UNC5D: variants seen among roughly 807,000 people sequenced by gnomAD.
The protein encoded by UNC5D is netrin receptor UNC5D.
Under a neutral mutation model 105.4 loss-of-function variants are expected in UNC5D, and 39 were observed. That is an observed-to-expected ratio of 0.37 (90% confidence interval 0.29 to 0.48). The LOEUF (loss-of-function observed/expected upper bound fraction) is 0.48, where lower values mean the gene tolerates loss of function less well. Ranked by LOEUF, UNC5D falls within the 20% of genes least tolerant of loss-of-function variation. UNC5D has a pLI of 0.98. For synonymous variants in UNC5D, 452 were observed against 450.4 expected (o/e 1.00, Z -0.04); for missense variants, 991 against 1,202.4 (o/e 0.82, Z 2.60).
At chr8:35,629,669 G>GT (rs1821919779) in intron 4 of UNC5D, among the ~76,000 whole-genome samples, 1 of 152,188 alleles carries the variant, frequency 6.6e-6, no homozygotes, top group Admixed American at 6.5e-5. Context: ...TAACAATCAT[G>GT]TACATGGATC....
At chr8:35,317,852 T>TAACTTAGTTGCCTTCTACTTAGACAAGAG (rs1809421417) in intron 1 of UNC5D, among the ~76,000 whole-genome samples, 1 of 149,868 alleles carries the variant, frequency 6.7e-6, no homozygotes, top group Admixed American at 6.7e-5. Context: ...TTAGACAAGA[T>TAACTTAGTTGCCTTCTACTTAGACAAGAG]AACTTAGTTG....
intron 1 of UNC5D, among the ~76,000 whole-genome samples, chr8:35,383,421 C>T (rs1318110402): frequency 1.3e-5 from 2 of 152,142 alleles, no homozygotes; most frequent in African/African-American, 2.4e-5. Flanking sequence ...CTAGGCAATG[C>T]GAAAAGTGTT....
intron 1 of UNC5D, among the ~76,000 whole-genome samples, chr8:35,436,891 T>C (rs958621158): frequency 2.0e-5 from 3 of 152,114 alleles, no homozygotes; most frequent in African/African-American, 7.2e-5. Flanking sequence ...TGCTATATGA[T>C]TCTATATTTG....
intron 1 of UNC5D, among the ~76,000 whole-genome samples, chr8:35,413,075 G>C (rs1378072376): frequency 6.6e-6 from 1 of 152,084 alleles, no homozygotes; most frequent in Admixed American, 6.5e-5. Context: ...CTATGTAGTG[G>C]ATTAATGCTA....
chr8:35,488,327 A>C (rs1234695585), intron 1 of UNC5D, among the ~76,000 whole-genome samples: 2 of 152,174 alleles, frequency 1.3e-5, no homozygotes, highest in Admixed American at 1.3e-4. Flanking sequence ...CTTGGATTCT[A>C]AAGGATGGGA....
chr8:35,557,975 T>C (rs559020802), intron 2 of UNC5D, among the ~76,000 whole-genome samples: 214 of 152,016 alleles, frequency 1.4e-3, no homozygotes, highest in Non-Finnish European at 2.4e-3. Flanking sequence ...CTACCAAATA[T>C]ACAAAAAGTA....
In UNC5D at chr8:35,722,033, G is replaced by C. The variant is rs1163472285; in HGVS notation, c.1118-177G>C. 2.6e-5 allele frequency among the ~76,000 whole-genome samples: 4 copies of C among 152,292 alleles called. No individual in the cohort carries two copies. In the South Asian group the frequency reaches 6.2e-4, roughly 24 times the overall value. On this transcript the variant is annotated intron_variant, in intron 8 of 16. Transcript: ENST00000404895. ...CTAGCATCCCTTTGATTTATACAAG[G>C]CATTTTAGAAACACGATTACTGTGT...
At chr8:35,712,227 C>T (rs572070586) in intron 8 of UNC5D, among the ~76,000 whole-genome samples, 18 of 152,216 alleles carry the variant, frequency 1.2e-4, no homozygotes, top group East Asian at 5.8e-4. Flanking sequence ...GTCAACATTG[C>T]GCCACTGTAC....
At chr8:35,555,936 C>A (rs954566245) in intron 2 of UNC5D, among the ~76,000 whole-genome samples, 3 of 145,070 alleles carry the variant, frequency 2.1e-5, no homozygotes, top group African/African-American at 7.5e-5. Context: ...GAAAAAGAAA[C>A]CTGAGGTTAG....
rs992577779 is a variant in UNC5D at position 35,450,075 on chromosome 8, T to C, written c.104-99217T>C. Among the ~76,000 whole-genome samples, 4 of 152,188 alleles carry C rather than the reference T, an allele frequency of 2.6e-5. 1 individual carries two copies. Among genetic ancestry groups the C allele is most frequent in the Non-Finnish European group, 5.9e-5 (4 of 68,026 alleles). ...TATTCTGGAACTATTCAGTGACACATGTTTGTTAGGTTCATATTATACTAG... is the reference window on the plus strand; with the variant it reads ...TATTCTGGAACTATTCAGTGACACACGTTTGTTAGGTTCATATTATACTAG... On this transcript the variant is annotated intron_variant, in intron 1 of 16. Coordinates refer to ENST00000404895, the MANE Select transcript of UNC5D (RefSeq NM_080872.4).
intron 16 of UNC5D, among the ~76,000 whole-genome samples, chr8:35,784,255 C>T (rs1252623312): frequency 6.6e-6 from 1 of 151,994 alleles, no homozygotes; most frequent in South Asian, 2.1e-4. Flanking sequence ...TTTAATAAAC[C>T]ATTAGTACTC....
chr8:35,424,382 G>A (rs981454749), intron 1 of UNC5D, among the ~76,000 whole-genome samples: 3 of 152,086 alleles, frequency 2.0e-5, no homozygotes, highest in Non-Finnish European at 4.4e-5. Context: ...TAGTAGTCTT[G>A]GAAACCCAGT....
At chr8:35,310,378 C>T (rs879904017) in intron 1 of UNC5D, among the ~76,000 whole-genome samples, 7 of 152,034 alleles carry the variant, frequency 4.6e-5, no homozygotes, top group South Asian at 2.1e-4. Context: ...CCCAGCACTT[C>T]GGAGGCTGAG....
At chr8:35,267,865 CT>C (rs2128829973) in intron 1 of UNC5D, among the ~76,000 whole-genome samples, 2 of 152,102 alleles carry the variant, frequency 1.3e-5, no homozygotes, top group Admixed American at 1.3e-4. Flanking sequence ...TCCAGGTTTG[CT>C]GACCTTTTCT....
intron 1 of UNC5D, among the ~76,000 whole-genome samples, chr8:35,417,340 G>A (rs1277120406): frequency 6.6e-6 from 1 of 151,732 alleles, no homozygotes; most frequent in Non-Finnish European, 1.5e-5. Context: ...GGTCTGCAAT[G>A]ATGAGTTTAC....
chr8:35,266,226 T>C (rs191245747), intron 1 of UNC5D, among the ~76,000 whole-genome samples: 112 of 152,330 alleles, frequency 7.4e-4, no homozygotes, highest in Non-Finnish European at 9.7e-4. Flanking sequence ...AAAAGATAAT[T>C]ATCCACATAC....
Position 35,344,055 on chromosome 8 carries a change from T to G in UNC5D, c.103+108168T>G, listed in dbSNP as rs548594187. On this transcript the variant is annotated intron_variant, in intron 1 of 16. Transcript: ENST00000404895. ...AGCAGCTGTTGCTTGTGGGAGGTAG[T>G]GGCTTGAAATGGTTCTGTTGGGATT... 3.9e-5 allele frequency among the ~76,000 whole-genome samples: 6 copies of G among 152,198 alleles called. No homozygotes were observed. In the East Asian group the frequency reaches 1.2e-3, roughly 29 times the overall value.
intron 1 of UNC5D, among the ~76,000 whole-genome samples, chr8:35,429,869 A>AT (rs1198986437): frequency 6.6e-6 from 1 of 151,970 alleles, no homozygotes; most frequent in Non-Finnish European, 1.5e-5. Context: ...CCCCAAAACC[A>AT]TTTTCTCGAA....
intron 4 of UNC5D, among the ~76,000 whole-genome samples, chr8:35,664,226 C>T (rs955082124): frequency 3.9e-5 from 6 of 152,132 alleles, no homozygotes; most frequent in African/African-American, 1.4e-4. Flanking sequence ...CACAAAGAAG[C>T]ACTATTTTCA....
Sources: gnomAD v4.1 joint callset for allele counts (sites outside exome capture counted in the v4.1 genomes callset) on GRCh38, gnomAD v4.1.1 for gene constraint, MANE v1.5 for transcripts, NCBI Gene and HGNC (gene_info 2026-07-23, HGNC 2026-07-21) for gene names.